The following SIK3 variants were observed in gnomAD, a reference collection of about 807,000 sequenced individuals.
The protein encoded by SIK3 is SIK family kinase 3.
Under a neutral mutation model 144.2 loss-of-function variants are expected in SIK3, and 28 were observed. The ratio of observed to expected loss-of-function variants is 0.19; its 90% CI spans 0.14 to 0.27. SIK3 has a LOEUF of 0.27. SIK3 is among the 10% of genes least tolerant of loss of function. The pLI, the probability that SIK3 is intolerant of heterozygous loss-of-function variation, is 1.00. For synonymous variants in SIK3, 686 were observed against 676.3 expected (o/e 1.01, Z -0.22); for missense variants, 1,319 against 1,776.0 (o/e 0.74, Z 4.62).
intron 1 of SIK3, among the ~76,000 whole-genome samples, chr11:117,023,621 A>AAAAAAAATATATAT (rs754624841): frequency 4.4e-4 from 42 of 95,336 alleles, no homozygotes; most frequent in African/African-American, 1.7e-3. Flanking sequence ...AAAAAAAAAA[A>AAAAAAAATATATAT]ATATATATAT....
intron 4 of SIK3, among the ~76,000 whole-genome samples, chr11:116,903,710 T>C (rs1945862219): frequency 6.6e-6 from 1 of 152,306 alleles, no homozygotes; most frequent in East Asian, 1.9e-4. Flanking sequence ...GCCTCCTAAG[T>C]AGCTGGGACT....
intron 1 of SIK3, among the ~76,000 whole-genome samples, chr11:117,055,865 G>A (rs1276380019): frequency 2.0e-5 from 3 of 152,220 alleles, no homozygotes; most frequent in African/African-American, 4.8e-5. Flanking sequence ...CTTCTGCCAT[G>A]TGAGGACACA....
intron 3 of SIK3, among the ~76,000 whole-genome samples, chr11:116,953,103 AAC>A (rs140535467): frequency 2.0e-5 from 3 of 151,286 alleles, no homozygotes; most frequent in Admixed American, 6.6e-5. Flanking sequence ...TAAAAACACA[AAC>A]ACACACACAC....
chr11:117,005,285 G>A (rs1951001386), intron 1 of SIK3, among the ~76,000 whole-genome samples: 3 of 133,692 alleles, frequency 2.2e-5, no homozygotes, highest in Non-Finnish European at 4.6e-5. Flanking sequence ...GCAGTGAGCC[G>A]AGATCGCACC....
chr11:116,962,730 C>T (rs140041795), intron 1 of SIK3, among the ~76,000 whole-genome samples: 2,377 of 151,884 alleles, frequency 0.016, 20 homozygotes, highest in Non-Finnish European at 0.024. Context: ...CAGACTGATG[C>T]GCTATAAATG....
intron 10 of SIK3, 42 bp downstream of exon 10, chr11:116,875,332 G>A (rs1391284511): frequency 1.2e-6 from 2 of 1,613,220 alleles, no homozygotes; most frequent in African/African-American, 2.7e-5. Flanking sequence ...ATATGGCAAA[G>A]AAAGTGGTTT....
At chr11:117,020,719 G>A (rs188535258) in intron 1 of SIK3, among the ~76,000 whole-genome samples, 8 of 152,260 alleles carry the variant, frequency 5.3e-5, no homozygotes, top group Admixed American at 3.3e-4. Flanking sequence ...AGCTCTACCG[G>A]GATGGAAGCT....
intron 1 of SIK3, among the ~76,000 whole-genome samples, chr11:117,093,916 T>C (rs746961820): frequency 6.6e-6 from 1 of 152,160 alleles, no homozygotes; most frequent in Non-Finnish European, 1.5e-5. Context: ...AGGAGGACTA[T>C]TATTATGTCC....
At chr11:116,951,041 G>A (rs535389932) in intron 3 of SIK3, among the ~76,000 whole-genome samples, 2 of 152,272 alleles carry the variant, frequency 1.3e-5, no homozygotes, top group Admixed American at 6.5e-5. Context: ...GAAGGCGTAA[G>A]GAAGCACTGT....
At chr11:117,052,486 T>C (rs1953303841) in intron 1 of SIK3, among the ~76,000 whole-genome samples, 1 of 152,210 alleles carries the variant, frequency 6.6e-6, no homozygotes, top group Admixed American at 6.5e-5. Context: ...ATCTCCGGCA[T>C]TCATTCTGAG....
chr11:117,078,808 T>C (rs1230944793), intron 1 of SIK3, among the ~76,000 whole-genome samples: 1 of 152,172 alleles, frequency 6.6e-6, no homozygotes, highest in Non-Finnish European at 1.5e-5. Flanking sequence ...CACTATCTGC[T>C]TCGACATCAG....
intron 3 of SIK3, among the ~76,000 whole-genome samples, chr11:116,945,897 T>C (rs1277524428): frequency 6.6e-6 from 1 of 152,214 alleles, no homozygotes; most frequent in Non-Finnish European, 1.5e-5. Context: ...TTCTCCATGC[T>C]GATCCAGGTC....
intron 6 of SIK3, among the ~76,000 whole-genome samples, chr11:116,892,889 C>T (rs558215136): frequency 8.5e-5 from 13 of 152,214 alleles, no homozygotes; most frequent in South Asian, 8.3e-4. Context: ...TAAAAAGAAA[C>T]GGGCTCTCAA....
At chr11:116,887,451 C>A (rs1944883880) in intron 6 of SIK3, among the ~76,000 whole-genome samples, 1 of 151,610 alleles carries the variant, frequency 6.6e-6, no homozygotes, top group Non-Finnish European at 1.5e-5. Context: ...ACCCCGTCTC[C>A]ACTAAAAATA....
chr11:116,940,015 G>C (rs1434380934), intron 3 of SIK3, among the ~76,000 whole-genome samples: 1 of 152,130 alleles, frequency 6.6e-6, no homozygotes, highest in Non-Finnish European at 1.5e-5. Context: ...TTACATGATA[G>C]TAAGGAATTA....
At chr11:116,901,574 C>A (rs1173853476) in intron 4 of SIK3, among the ~76,000 whole-genome samples, 3 of 152,132 alleles carry the variant, frequency 2.0e-5, no homozygotes, top group African/African-American at 4.8e-5. Flanking sequence ...TCCTGGATCC[C>A]CTACAAGAAA....
chr11:117,048,548 C>T (rs1381931508), intron 1 of SIK3, among the ~76,000 whole-genome samples: 2 of 151,740 alleles, frequency 1.3e-5, no homozygotes, highest in African/African-American at 2.4e-5. Flanking sequence ...CCCAGCTACT[C>T]GGGAGGCCGA....
At chr11:116,923,694 A>G (rs1318930157) in intron 4 of SIK3, among the ~76,000 whole-genome samples, 1 of 152,248 alleles carries the variant, frequency 6.6e-6, no homozygotes, top group African/African-American at 2.4e-5. Flanking sequence ...CTTAAAACAA[A>G]TAATAAAAAT....
chr11:116,950,174 C>T (rs1194685010), intron 3 of SIK3: 2 of 470,354 alleles, frequency 4.3e-6, no homozygotes, highest in Middle Eastern at 3.2e-4. Flanking sequence ...GAAGAAGGGG[C>T]CCCCATCTCT....
Sources: allele counts gnomAD v4.1 joint callset (sites outside exome capture counted in the v4.1 genomes callset), GRCh38; gene constraint gnomAD v4.1.1; transcripts MANE v1.5; gene names NCBI Gene and HGNC (gene_info 2026-07-23, HGNC 2026-07-21).